MAGI1: variants seen among roughly 807,000 people sequenced by gnomAD.
MAGI1 encodes the protein membrane-associated guanylate kinase, WW and PDZ domain-containing protein 1.
Under a neutral mutation model 139.9 loss-of-function variants are expected in MAGI1, and 58 were observed. That is an observed-to-expected ratio of 0.41 (90% confidence interval 0.34 to 0.52). The LOEUF is 0.52. Ranked by LOEUF, MAGI1 falls within the 20% of genes least tolerant of loss-of-function variation. The probability of loss-of-function intolerance (pLI) is 0.12; values close to 1 mark genes in which losing one functional copy is unlikely to be tolerated. For missense variants in MAGI1, 1,874 were observed against 1,901.6 expected, an observed-to-expected ratio of 0.99 and a Z score of 0.27; for synonymous variants, 812 against 737.9, an observed-to-expected ratio of 1.10 and a Z score of -1.63.
chr3:66,018,569 C>G (rs945451431), intron 1 of MAGI1, among the ~76,000 whole-genome samples: 2 of 152,220 alleles, frequency 1.3e-5, no homozygotes. Flanking sequence ...AGGCCAGTGA[C>G]CACTGTAACC....
At chr3:65,619,956 A>G in intron 2 of MAGI1, 1 of 985,442 alleles carries the variant, frequency 1.0e-6, no homozygotes, top group Non-Finnish European at 1.2e-6. Flanking sequence ...ACCAGCAAAA[A>G]CAAACATGAT....
At chr3:65,814,122 G>C (rs1044387297) in intron 1 of MAGI1, among the ~76,000 whole-genome samples, 1 of 152,112 alleles carries the variant, frequency 6.6e-6, no homozygotes, top group African/African-American at 2.4e-5. Context: ...CCAGTATCTA[G>C]TAAGCTTCAG....
In MAGI1 at chr3:66,000,402, T is replaced by C. The variant is rs188125822; in HGVS notation, c.313+37594A>G. ...GTTTTAATCTCTATTTCTCCATCTC[T>C]TTCTTCCTACCCCAATTAAATTTTC... On this transcript the variant is annotated intron_variant, in intron 1 of 22. Coordinates refer to ENST00000402939, the MANE Select transcript of MAGI1 (RefSeq NM_001033057.2). Among the ~76,000 whole-genome samples, 864 of 152,222 alleles carry C rather than the reference T, an allele frequency of 5.7e-3. 5 individuals are homozygous for C. Among genetic ancestry groups the C allele is most frequent in the Non-Finnish European group, 8.1e-3 (552 of 68,024 alleles).
chr3:65,753,899 C>A (rs1030471030), intron 1 of MAGI1, among the ~76,000 whole-genome samples: 5 of 152,062 alleles, frequency 3.3e-5, no homozygotes, highest in Admixed American at 6.6e-5. Flanking sequence ...AAGGAGCGAA[C>A]CACCTAACTT....
chr3:65,927,532 A>G (rs2062583673), intron 1 of MAGI1, among the ~76,000 whole-genome samples: 1 of 152,232 alleles, frequency 6.6e-6, no homozygotes, highest in Non-Finnish European at 1.5e-5. Flanking sequence ...AGCAGCATTA[A>G]CAACTAAGGA....
At chr3:65,726,361 A>G (rs2033608595) in intron 1 of MAGI1, among the ~76,000 whole-genome samples, 1 of 152,220 alleles carries the variant, frequency 6.6e-6, no homozygotes, top group African/African-American at 2.4e-5. Context: ...GATGCTAACC[A>G]TTCAATCTGG....
At chr3:65,791,854 G>A (rs950303199) in intron 1 of MAGI1, among the ~76,000 whole-genome samples, 4 of 152,062 alleles carry the variant, frequency 2.6e-5, no homozygotes, top group Non-Finnish European at 4.4e-5. Flanking sequence ...CAAAAGGACA[G>A]TCTGAGCTGG....
At chr3:65,507,959 G>T (rs923292818) in intron 2 of MAGI1, among the ~76,000 whole-genome samples, 2 of 152,010 alleles carry the variant, frequency 1.3e-5, no homozygotes, top group African/African-American at 4.8e-5. Flanking sequence ...CATTTGCTTG[G>T]AAAATGCAGA....
chr3:65,507,551 A>G (rs998838056), intron 2 of MAGI1, among the ~76,000 whole-genome samples: 4 of 152,214 alleles, frequency 2.6e-5, no homozygotes, highest in African/African-American at 9.7e-5. Context: ...TAATGACATC[A>G]GCAGATTCCT....
At position 65,501,722 on chromosome 3, in the gene MAGI1, T is replaced by C. The variant is rs144624145; in HGVS notation, c.431-8091A>G. On this transcript the variant is annotated intron_variant, in intron 2 of 22. Coordinates refer to ENST00000402939, the MANE Select transcript of MAGI1 (RefSeq NM_001033057.2). ...CTCCTAAATGTTTACCCCAGAGAAA[T>C]GAAAACATATTCACACAAAACCCCA... Among the ~76,000 whole-genome samples, 749 of 152,210 alleles carry C rather than the reference T, an allele frequency of 4.9e-3. 6 individuals carry two copies. Among genetic ancestry groups the C allele is most frequent in the African/African-American group, 0.017 (719 of 41,524 alleles).
chr3:65,658,330 C>CA (rs976469673), intron 1 of MAGI1, among the ~76,000 whole-genome samples: 1 of 152,136 alleles, frequency 6.6e-6, no homozygotes, highest in African/African-American at 2.4e-5. Context: ...AGTACAGGAA[C>CA]AAAACTTCCT....
At chr3:65,612,109 T>C (rs146495652) in intron 2 of MAGI1, among the ~76,000 whole-genome samples, 2 of 152,212 alleles carry the variant, frequency 1.3e-5, no homozygotes, top group African/African-American at 2.4e-5. Flanking sequence ...AAAACACTGA[T>C]ATAAGTAAGG....
chr3:65,426,188 T>A (rs995662393), intron 12 of MAGI1, among the ~76,000 whole-genome samples: 1 of 152,132 alleles, frequency 6.6e-6, no homozygotes, highest in African/African-American at 2.4e-5. Flanking sequence ...AAATCAGGAC[T>A]GGTCCCGGCT....
chr3:66,018,117 G>T (rs897714789), intron 1 of MAGI1, among the ~76,000 whole-genome samples: 2 of 138,024 alleles, frequency 1.4e-5, no homozygotes, highest in African/African-American at 2.5e-5. Flanking sequence ...CTTTGGTGGG[G>T]GGGGGGGGTG....
At position 65,686,411 on chromosome 3, in the gene MAGI1, C is replaced by T. The variant is rs142464493; in HGVS notation, c.314-64323G>A. On this transcript the variant is annotated intron_variant, in intron 1 of 22. Coordinates refer to ENST00000402939, the MANE Select transcript of MAGI1 (RefSeq NM_001033057.2). ...GATTCAAGCGATTCTCCTGCCTCAGCCTCCTGAGTAGCTGAGACTGCAGGC... is the reference window on the plus strand; with the variant it reads ...GATTCAAGCGATTCTCCTGCCTCAGTCTCCTGAGTAGCTGAGACTGCAGGC... Among the ~76,000 whole-genome samples the T allele has an allele frequency of 7.6e-3, 1,153 of 152,318 alleles. 12 individuals are homozygous for T. Among genetic ancestry groups the T allele is most frequent in the African/African-American group, 0.026 (1,089 of 41,566 alleles).
intron 1 of MAGI1, among the ~76,000 whole-genome samples, chr3:65,986,028 G>A (rs753671610): frequency 6.6e-6 from 1 of 152,182 alleles, no homozygotes; most frequent in African/African-American, 2.4e-5. Context: ...GGCTTTTGGA[G>A]AATCAGCTCA....
At chr3:65,414,943 C>G (rs999789361) in intron 12 of MAGI1, among the ~76,000 whole-genome samples, 1 of 147,298 alleles carries the variant, frequency 6.8e-6, no homozygotes, top group Non-Finnish European at 1.5e-5. Flanking sequence ...GCAAGATAAT[C>G]GCTTGAACCC....
chr3:65,814,083 T>C (rs1415245494), intron 1 of MAGI1, among the ~76,000 whole-genome samples: 3 of 151,826 alleles, frequency 2.0e-5, no homozygotes, highest in Non-Finnish European at 2.9e-5. Context: ...CATAAAAATA[T>C]ACACAAACTA....
chr3:66,036,239 A>C (rs1203872596), intron 1 of MAGI1, among the ~76,000 whole-genome samples: 1 of 152,238 alleles, frequency 6.6e-6, no homozygotes, highest in African/African-American at 2.4e-5. Context: ...TGGAGCACTT[A>C]CTATGTACAG....
Sources: allele counts gnomAD v4.1 joint callset (sites outside exome capture counted in the v4.1 genomes callset), GRCh38; gene constraint gnomAD v4.1.1; transcripts MANE v1.5; gene names NCBI Gene and HGNC (gene_info 2026-07-23, HGNC 2026-07-21).